PSMD14: variants seen among roughly 807,000 people sequenced by gnomAD.
PSMD14 encodes the protein proteasome 26S subunit, non-ATPase 14.
PSMD14 carries 7 observed loss-of-function variants against 41.2 expected under a neutral mutation model. That is an observed-to-expected ratio of 0.17 (90% CI 0.10 to 0.32). PSMD14 has a LOEUF of 0.32. Among genes scored for constraint, PSMD14 ranks in the 10% least tolerant of loss-of-function variants. The probability of loss-of-function intolerance (pLI) is 1.00; values close to 1 mark genes in which losing one functional copy is unlikely to be tolerated. For synonymous variants in PSMD14, 114 were observed against 122.3 expected (o/e 0.93, Z 0.45); for missense variants, 139 against 375.6 (o/e 0.37, Z 5.21).
At chr2:161,327,939 A>C in intron 3 of PSMD14, among the ~76,000 whole-genome samples, 1 of 50,016 alleles carries the variant, frequency 2.0e-5, no homozygotes, top group South Asian at 7.4e-4. Flanking sequence ...AGGAATTCTC[A>C]TGTAAGCTGT....
chr2:161,390,453 G>T (rs1437992553), intron 8 of PSMD14, among the ~76,000 whole-genome samples: 1 of 152,032 alleles, frequency 6.6e-6, no homozygotes, highest in Non-Finnish European at 1.5e-5. Flanking sequence ...GGACATCCAG[G>T]ATTATTGTTT....
chr2:161,369,279 T>C (rs1026470868), intron 5 of PSMD14, among the ~76,000 whole-genome samples: 2 of 152,086 alleles, frequency 1.3e-5, no homozygotes, highest in East Asian at 3.8e-4. Flanking sequence ...GTCATAGAAT[T>C]AGAAAGTTTT....
chr2:161,333,051 G>A (rs1239488197), intron 3 of PSMD14, among the ~76,000 whole-genome samples: 1 of 152,202 alleles, frequency 6.6e-6, no homozygotes, highest in Non-Finnish European at 1.5e-5. Context: ...CCCCTTGTGT[G>A]AAATGACTTT....
intron 3 of PSMD14, among the ~76,000 whole-genome samples, chr2:161,354,546 G>A (rs1683167343): frequency 6.6e-6 from 1 of 152,102 alleles, no homozygotes; most frequent in African/African-American, 2.4e-5. Flanking sequence ...TACCCAAAGT[G>A]GGAGACAGCC....
intron 7 of PSMD14, chr2:161,382,504 A>G (rs1359592335): frequency 6.6e-6 from 1 of 151,894 alleles, no homozygotes; most frequent in Non-Finnish European, 1.5e-5. Flanking sequence ...TAAGCTAGCC[A>G]AACTGCTAAT....
chr2:161,326,123 C>T (rs1374501150), intron 3 of PSMD14, among the ~76,000 whole-genome samples: 1 of 152,134 alleles, frequency 6.6e-6, no homozygotes, highest in Non-Finnish European at 1.5e-5. Context: ...TTGCAACCTC[C>T]ACCTCCTGGA....
intron 3 of PSMD14, among the ~76,000 whole-genome samples, chr2:161,342,228 GA>G (rs1403472714): frequency 6.6e-6 from 1 of 152,120 alleles, no homozygotes; most frequent in Non-Finnish European, 1.5e-5. Flanking sequence ...ATCGTAGGGG[GA>G]AACATTCATT....
chr2:161,340,920 C>G, intron 3 of PSMD14: 1 of 1,613,864 alleles, frequency 6.2e-7, no homozygotes. Flanking sequence ...GAAGCCTTCT[C>G]CGTCCTCCTC....
At chr2:161,369,994 A>C in intron 5 of PSMD14, 113 bp from the exon 6 acceptor site, 1 of 674,470 alleles carries the variant, frequency 1.5e-6, no homozygotes. Flanking sequence ...GTAGGTATCA[A>C]ATGTAGGTAT....
At chr2:161,327,390 T>C (rs1337496635) in intron 3 of PSMD14, among the ~76,000 whole-genome samples, 1 of 152,148 alleles carries the variant, frequency 6.6e-6, no homozygotes, top group Non-Finnish European at 1.5e-5. Flanking sequence ...ATATATTTAC[T>C]ACAAAAAAGA....
chr2:161,370,566 CAGAG>C, intron 6 of PSMD14, among the ~76,000 whole-genome samples: 1 of 152,258 alleles, frequency 6.6e-6, no homozygotes, highest in East Asian at 1.9e-4. Flanking sequence ...GTTTTAAAGA[CAGAG>C]AAAGTATAAT....
chr2:161,339,306 A>C (rs1231951471), intron 3 of PSMD14, among the ~76,000 whole-genome samples: 2 of 152,074 alleles, frequency 1.3e-5, no homozygotes, highest in Admixed American at 6.6e-5. Context: ...AGTACTTGAT[A>C]TGGTTAATTT....
chr2:161,327,795 G>A (rs1682721495), intron 3 of PSMD14, among the ~76,000 whole-genome samples: 1 of 151,690 alleles, frequency 6.6e-6, no homozygotes, highest in Admixed American at 6.6e-5. Flanking sequence ...TGTGAAATAA[G>A]AATGGCCAAA....
At chr2:161,357,657 T>G (rs1386627366) in intron 3 of PSMD14, among the ~76,000 whole-genome samples, 1 of 152,186 alleles carries the variant, frequency 6.6e-6, no homozygotes, top group Non-Finnish European at 1.5e-5. Flanking sequence ...AATGGTAATA[T>G]TCATTTAAGT....
intron 9 of PSMD14, among the ~76,000 whole-genome samples, chr2:161,392,715 C>T (rs1325834395): frequency 2.0e-5 from 3 of 152,022 alleles, no homozygotes; most frequent in Non-Finnish European, 4.4e-5. Context: ...CTTCTAATTG[C>T]CTGCCTGTGT....
intron 3 of PSMD14, among the ~76,000 whole-genome samples, chr2:161,329,054 A>C (rs1160356015): frequency 1.3e-5 from 2 of 152,074 alleles, no homozygotes; most frequent in Non-Finnish European, 1.5e-5. Context: ...AGGCGATAAT[A>C]CTAGAGAGGT....
In PSMD14 at chr2:161,395,114, G is replaced by T; in HGVS notation, c.682G>T (p.Gly228Cys). 1 of 1,595,132 alleles carries T rather than the reference G, an allele frequency of 6.3e-7. No individual in the cohort carries two copies. Among genetic ancestry groups the T allele is most frequent in the Non-Finnish European group, 8.5e-7 (1 of 1,171,826 alleles). The change falls in exon 10 of 12, where the codon GGT becomes TGT. Residue 228 changes from glycine to cysteine, a missense_variant. By Grantham distance (159) the Gly-to-Cys change is radical. Around this residue, in one of 4 missense-constraint regions of PSMD14, gnomAD observed 80 missense variants for 138.1 expected, o/e 0.58. Transcript: ENST00000409682. ...LNLHKKSWMEGLTLQDYSEHC... is the reference protein window; with the variant it reads ...LNLHKKSWMECLTLQDYSEHC... Reference sequence around the variant, plus strand: ...TTTGCATAAGAAGAGTTGGATGGAAGGTTTGACACTTCAGGACTACAGTGA... The same window carrying T: ...TTTGCATAAGAAGAGTTGGATGGAATGTTTGACACTTCAGGACTACAGTGA...
intron 7 of PSMD14, among the ~76,000 whole-genome samples, chr2:161,377,187 A>G (rs192317014): frequency 5.3e-5 from 8 of 152,106 alleles, no homozygotes; most frequent in Admixed American, 4.6e-4. Context: ...TCCCACGACT[A>G]TCAGCTAGGG....
intron 3 of PSMD14, among the ~76,000 whole-genome samples, chr2:161,347,035 C>T (rs555671714): frequency 6.6e-6 from 1 of 152,276 alleles, no homozygotes; most frequent in South Asian, 2.1e-4. Context: ...AATCTCAGCT[C>T]TGTCATCTCA....
Sources: gnomAD v4.1 joint callset for allele counts (sites outside exome capture counted in the v4.1 genomes callset) on GRCh38, gnomAD v4.1.1 for gene constraint, gnomAD v4.1.1 regional missense constraint, MANE v1.5 for transcripts, NCBI Gene and HGNC (gene_info 2026-07-23, HGNC 2026-07-21) for gene names.